The following GSTA4 variants were observed in gnomAD, a reference collection of about 807,000 sequenced individuals.
The protein encoded by GSTA4 is glutathione S-transferase alpha 4, also known as glutathione S-transferase A4.
In GSTA4, 15 loss-of-function variants were observed where a neutral mutation model predicts 24.4. The observed-to-expected ratio is 0.61, with a 90% CI of 0.41 to 0.95. The LOEUF (loss-of-function observed/expected upper bound fraction) is 0.95, where lower values mean the gene tolerates loss of function less well. Ranked by LOEUF, GSTA4 falls within the 40% of genes least tolerant of loss-of-function variation. The pLI, the probability that GSTA4 is intolerant of heterozygous loss-of-function variation, is 0.00. For synonymous variants in GSTA4, 92 were observed against 94.2 expected, an observed-to-expected ratio of 0.98 and a Z score of 0.13; for missense variants, 244 against 262.1, an observed-to-expected ratio of 0.93 and a Z score of 0.48.
intron 2 of GSTA4, among the ~76,000 whole-genome samples, chr6:52,988,515 A>C (rs1763605718): frequency 6.6e-6 from 1 of 151,064 alleles, no homozygotes; most frequent in Non-Finnish European, 1.5e-5. Context: ...TGCTAAAACA[A>C]CACCAAAAAT....
chr6:52,985,316 C>T (rs925256949), intron 4 of GSTA4, 135 bp downstream of exon 4: 1 of 703,018 alleles, frequency 1.4e-6, no homozygotes, highest in Non-Finnish European at 2.3e-6. Flanking sequence ...GTCTTCGTGA[C>T]CTTCTTGGGT....
At chr6:52,983,294 C>T (rs1561983748) in intron 5 of GSTA4, among the ~76,000 whole-genome samples, 3 of 152,078 alleles carry the variant, frequency 2.0e-5, no homozygotes, top group Non-Finnish European at 2.9e-5. Context: ...CTGAGGGTAA[C>T]GTATAGGTGT....
chr6:52,992,620 A>G (rs905268617), intron 2 of GSTA4, among the ~76,000 whole-genome samples: 2 of 152,328 alleles, frequency 1.3e-5, no homozygotes, highest in African/African-American at 4.8e-5. Flanking sequence ...CCATAACCTC[A>G]GTCTAATCAT....
chr6:52,980,454 C>T (rs1236425104), intron 6 of GSTA4, among the ~76,000 whole-genome samples: 4 of 152,072 alleles, frequency 2.6e-5, no homozygotes, highest in African/African-American at 9.7e-5. Flanking sequence ...CAGGCACATG[C>T]CACCATGCTC....
At chr6:52,988,071 C>T (rs1763596228) in intron 2 of GSTA4, 1 of 152,050 alleles carries the variant, frequency 6.6e-6, no homozygotes, top group African/African-American at 2.4e-5. Context: ...ATATCACTGC[C>T]CCCTAAAAGG....
chr6:52,984,621 C>A lies in GSTA4; in HGVS notation c.273-16G>T. 4 of 1,608,108 alleles carry A rather than the reference C, an allele frequency of 2.5e-6. No homozygotes were observed. The highest frequency in any genetic ancestry group is 3.4e-6 in the Non-Finnish European group (4 of 1,177,150). The stretch of plus-strand genomic sequence containing the variant: ...CATGTCAATCCTTAAAACAAAAAAG[C>A]AGTTGTCTCAGTTTCTCCTCTCTTT... On this transcript the variant is annotated splice_polypyrimidine_tract_variant and intron_variant, in intron 4 of 6. Coordinates refer to ENST00000370963, the MANE Select transcript of GSTA4 (RefSeq NM_001512.4).
At position 52,984,597 on chromosome 6, in the gene GSTA4, A is replaced by G; in HGVS notation, c.281T>C (p.Met94Thr). ...CAGATCCAGTGTCCCCTCCACGTAC[A>G]TGTCAATCCTTAAAACAAAAAAGCA... ...KNLKERTLID[M>T]YVEGTLDLLE... Residue 94 changes from methionine to threonine, a missense_variant, in exon 5 of 7, where the codon ATG becomes ACG. Coordinates refer to ENST00000370963, the MANE Select transcript of GSTA4 (RefSeq NM_001512.4). 6.2e-7 allele frequency: 1 copy of G among 1,612,708 alleles called. No individual in the cohort carries two copies. The highest frequency in any genetic ancestry group is 1.7e-5 in the Admixed American group (1 of 59,762).
chr6:52,992,194 A>C (rs1287446667), intron 2 of GSTA4, among the ~76,000 whole-genome samples: 1 of 152,252 alleles, frequency 6.6e-6, no homozygotes, highest in Admixed American at 6.5e-5. Context: ...AAATAAAAAA[A>C]GGTAAACCTG....
At chr6:52,979,790 CAATT>C (rs1408653964) in intron 6 of GSTA4, among the ~76,000 whole-genome samples, 1 of 152,098 alleles carries the variant, frequency 6.6e-6, no homozygotes. Flanking sequence ...ATAATGATGC[CAATT>C]AATTATATAT....
intron 6 of GSTA4, among the ~76,000 whole-genome samples, chr6:52,979,514 T>A (rs879611674): frequency 6.6e-6 from 1 of 152,210 alleles, no homozygotes; most frequent in Non-Finnish European, 1.5e-5. Flanking sequence ...ATTCACAGAA[T>A]CAAATCTTAC....
In GSTA4 at chr6:52,985,652, T is replaced by G; in HGVS notation, c.140-69A>C. ...GTCCCCCAACCCCTAAAAAATGCTC[T>G]GTGGAATGAAAAGAAACGGTGGAAT... On this transcript the variant is annotated intron_variant, in intron 3 of 6. Transcript: ENST00000370963. 2 of 1,510,222 alleles carry G rather than the reference T, an allele frequency of 1.3e-6. 1 individual carries two copies. The highest frequency in any genetic ancestry group is 2.3e-5 in the South Asian group (2 of 85,446). 93.6% of individuals were successfully genotyped at this position (1,510,222 alleles called of 1,614,324 possible).
At chr6:52,991,489 GA>G (rs45486595) in intron 2 of GSTA4, among the ~76,000 whole-genome samples, 10,727 of 151,260 alleles carry the variant, frequency 0.071, 425 homozygotes, top group Middle Eastern at 0.11. Context: ...GTCTGGCAGG[GA>G]AAAAAAAAGT....
intron 5 of GSTA4, among the ~76,000 whole-genome samples, chr6:52,984,047 G>A (rs1337237392): frequency 1.3e-5 from 2 of 152,044 alleles, no homozygotes; most frequent in Admixed American, 6.6e-5. Context: ...TAAATAAAAT[G>A]GAAATGGTTC....
intron 2 of GSTA4, among the ~76,000 whole-genome samples, chr6:52,988,408 T>G (rs1054535916): frequency 1.3e-5 from 2 of 152,188 alleles, no homozygotes; most frequent in Non-Finnish European, 2.9e-5. Context: ...TCTCACCCTC[T>G]GTCTAACCAA....
At chr6:52,980,310 TG>T (rs1309093239) in intron 6 of GSTA4, among the ~76,000 whole-genome samples, 4 of 86,622 alleles carry the variant, frequency 4.6e-5, no homozygotes, top group African/African-American at 1.0e-4. Context: ...GATTTCACTT[TG>T]TTTTTTTTTT....
chr6:52,979,616 C>T (rs1458183790), intron 6 of GSTA4, among the ~76,000 whole-genome samples: 2 of 152,114 alleles, frequency 1.3e-5, no homozygotes, highest in East Asian at 3.8e-4. Flanking sequence ...TATAATTATT[C>T]TAATAAAACC....
intron 2 of GSTA4, among the ~76,000 whole-genome samples, chr6:52,992,532 T>G (rs575188814): frequency 8.5e-5 from 13 of 152,296 alleles, no homozygotes; most frequent in African/African-American, 3.1e-4. Flanking sequence ...ATACTGCCAG[T>G]GACAACTCAT....
Position 52,994,137 on chromosome 6 carries a change from A to G in GSTA4, c.87+20T>C. 1 of 1,502,500 alleles carries G rather than the reference A, an allele frequency of 6.7e-7. No homozygotes were observed. The highest frequency in any genetic ancestry group is 1.1e-5 in the South Asian group (1 of 88,920). 93.1% of individuals were successfully genotyped at this position (1,502,500 alleles called of 1,614,324 possible). A position where few individuals can be genotyped will look rare whatever the true frequency, so the allele number is the denominator to read the frequency against. On this transcript the variant is annotated intron_variant, in intron 2 of 6. Coordinates refer to ENST00000370963, the MANE Select transcript of GSTA4 (RefSeq NM_001512.4). ...CAAAAGCTGTATGACAAATCCGTGA[A>G]GAAACAGCATATAAGGTACCTCGAC...
chr6:52,985,572 G>A lies in GSTA4; in HGVS notation c.151C>T (p.Leu51=), dbSNP rs1228237154. 6.2e-7 allele frequency: 1 copy of A among 1,614,040 alleles called. No individual in the cohort carries two copies. Among genetic ancestry groups the A allele is most frequent in the South Asian group, 1.1e-5 (1 of 91,080 alleles). The change falls in exon 4 of 7, where the codon CTG becomes TTG. Residue 51 remains leucine, a synonymous_variant. Coordinates refer to ENST00000370963, the MANE Select transcript of GSTA4 (RefSeq NM_001512.4). ...LYKLQDGNHL[L]FQQVPMVEID... is the part of the protein sequence containing the mutation. ...TCAACCATGGGCACTTGTTGGAACA[G>A]CAGGTGGTTACCTGAGAATGGAAGC... is the stretch of plus-strand genomic sequence containing the variant.
Sources: gnomAD v4.1 joint callset for allele counts (sites outside exome capture counted in the v4.1 genomes callset) on GRCh38, gnomAD v4.1.1 for gene constraint, MANE v1.5 for transcripts, NCBI Gene and HGNC (gene_info 2026-07-23, HGNC 2026-07-21) for gene names.